Variants in NAA15 observed in about 807,000 individuals in gnomAD.
The protein encoded by NAA15 is N-terminal acetyltransferase.
A neutral mutation model predicts 114.0 loss-of-function variants in NAA15; 34 were observed. The observed-to-expected ratio is 0.30, with a 90% confidence interval of 0.23 to 0.40. The LOEUF is 0.40. NAA15 is among the 10% of genes least tolerant of loss of function. The pLI is 1.00. For missense variants in NAA15, 658 were observed against 1,004.5 expected (o/e 0.66, Z 4.66); for synonymous variants, 340 against 338.0 (o/e 1.01, Z -0.06).
At chr4:139,315,066 T>TTTAGGTTAGGTTAGG (rs1746362463) in intron 1 of NAA15, among the ~76,000 whole-genome samples, 1 of 94,144 alleles carries the variant, frequency 1.1e-5, no homozygotes, top group African/African-American at 4.2e-5. Context: ...TTTAGTTTAG[T>TTTAGGTTAGGTTAGG]TTAGTTTAGT....
chr4:139,325,955 A>G (rs1054795070), intron 1 of NAA15, among the ~76,000 whole-genome samples: 1 of 152,214 alleles, frequency 6.6e-6, no homozygotes, highest in African/African-American at 2.4e-5. Context: ...AGTTTGAATT[A>G]TATTTGTATA....
intron 1 of NAA15, among the ~76,000 whole-genome samples, chr4:139,321,108 A>AT (rs1166412029): frequency 6.7e-6 from 1 of 149,176 alleles, no homozygotes; most frequent in African/African-American, 2.5e-5. Flanking sequence ...TGTTTTTCTT[A>AT]TTTTTTCGTA....
At chr4:139,302,878 G>A (rs540739686) in intron 1 of NAA15, among the ~76,000 whole-genome samples, 1 of 152,296 alleles carries the variant, frequency 6.6e-6, no homozygotes, top group South Asian at 2.1e-4. Context: ...TTGGCATTTA[G>A]TATGTGGGTT....
At position 139,388,159 on chromosome 4, in the gene NAA15, A is replaced by G; in HGVS notation, c.*75A>G. 1.6e-6 allele frequency: 2 copies of G among 1,256,652 alleles called. No homozygotes were observed. The highest frequency in any genetic ancestry group is 2.3e-6 in the Non-Finnish European group (2 of 884,674). The allele number at this position is 1,256,652 out of a possible 1,614,324, so 77.8% of individuals were successfully genotyped here. A position where few individuals can be genotyped will look rare whatever the true frequency, so the allele number is the denominator to read the frequency against. On this transcript the variant is annotated 3_prime_UTR_variant, in exon 20 of 20. Coordinates refer to ENST00000296543, the MANE Select transcript of NAA15 (RefSeq NM_057175.5). ...AATATTTTTGTCACGCACCTGCTGC[A>G]TTGCTCTAACTTACACAGAATGAGA...
chr4:139,344,394 C>T, intron 6 of NAA15, 55 bp downstream of exon 6: 6 of 1,428,240 alleles, frequency 4.2e-6, no homozygotes, highest in Non-Finnish European at 3.8e-6. Context: ...CAGAGCAAGG[C>T]TGAAAAATCT....
intron 3 of NAA15, among the ~76,000 whole-genome samples, chr4:139,339,644 G>C (rs1747319587): frequency 6.6e-6 from 1 of 152,106 alleles, no homozygotes; most frequent in South Asian, 2.1e-4. Context: ...CCAGCTACTT[G>C]GGAGGCTGAG....
At chr4:139,320,892 CCTCCTG>C (rs1170540391) in intron 1 of NAA15, among the ~76,000 whole-genome samples, 1 of 152,116 alleles carries the variant, frequency 6.6e-6, no homozygotes, top group Non-Finnish European at 1.5e-5. Flanking sequence ...TTCAAGCAGT[CCTCCTG>C]CCTGGGCCTC....
intron 1 of NAA15, among the ~76,000 whole-genome samples, chr4:139,308,865 CT>C (rs1422020297): frequency 6.6e-6 from 1 of 152,082 alleles, no homozygotes; most frequent in Non-Finnish European, 1.5e-5. Flanking sequence ...ATCCACCCAC[CT>C]CAGCCTCTCC....
chr4:139,359,479 T>A (rs1318084107), intron 11 of NAA15, among the ~76,000 whole-genome samples: 1 of 152,164 alleles, frequency 6.6e-6, no homozygotes, highest in African/African-American at 2.4e-5. Flanking sequence ...TGCCAGGCAG[T>A]TTTGGGCAAT....
chr4:139,314,998 C>A (rs116352884), intron 1 of NAA15, among the ~76,000 whole-genome samples: 5 of 66,664 alleles, frequency 7.5e-5, no homozygotes, highest in Admixed American at 5.3e-4. Context: ...CAGTTCAGTT[C>A]AGTTTAGTTT....
In NAA15 at chr4:139,376,436, G is replaced by A. The variant is rs372821707; in HGVS notation, c.2019G>A (p.Glu673=). The A allele has an allele frequency of 1.2e-5, 20 of 1,612,820 alleles. No individual in the cohort carries two copies. The African/African-American group carries it at 2.4e-4, about 19-fold the overall frequency. The change falls in exon 16 of 20, where the codon GAG becomes GAA. Residue 673 remains glutamate (E), a synonymous_variant. Coordinates refer to ENST00000296543, the MANE Select transcript of NAA15 (RefSeq NM_057175.5). ...AGAACTTGGTGAAGAACAAGATAGA[G>A]ACTCATCTTTTTGCCTTTGAGATTT... ...PLKNLVKNKI[E]THLFAFEIYF...
chr4:139,347,339 G>A (rs1329426311), intron 6 of NAA15, among the ~76,000 whole-genome samples: 1 of 152,076 alleles, frequency 6.6e-6, no homozygotes, highest in African/African-American at 2.4e-5. Flanking sequence ...CAGATACTAA[G>A]AATATGGGCT....
chr4:139,369,371 A>G (rs1161947960), intron 14 of NAA15, among the ~76,000 whole-genome samples: 2 of 152,240 alleles, frequency 1.3e-5, no homozygotes, highest in African/African-American at 2.4e-5. Context: ...ATTTGTTTAC[A>G]TGCATATCCC....
chr4:139,329,016 T>G lies in NAA15; in HGVS notation c.55-5158T>G, dbSNP rs541341165. Among the ~76,000 whole-genome samples the G allele has an allele frequency of 2.0e-5, 3 of 151,514 alleles. No homozygotes were observed. In the East Asian group the frequency reaches 5.8e-4, roughly 29 times the overall value. ...TCCCAAGTAGCTGGGATTATAGGTG[T>G]GCGCCACCATGCCTGGCTAATTTTT... On this transcript the variant is annotated intron_variant, in intron 1 of 19. Coordinates refer to ENST00000296543, the MANE Select transcript of NAA15 (RefSeq NM_057175.5).
rs564603886 is a variant in NAA15 at position 139,315,645 on chromosome 4, G to A, written c.54+13814G>A. Among the ~76,000 whole-genome samples, 11 of 151,968 alleles carry A rather than the reference G, an allele frequency of 7.2e-5. No individual in the cohort carries two copies. The South Asian group carries it at 2.3e-3, about 31-fold the overall frequency. On this transcript the variant is annotated intron_variant, in intron 1 of 19. Coordinates refer to ENST00000296543, the MANE Select transcript of NAA15 (RefSeq NM_057175.5). ...ATACAAGTGCATGCCCAATGGTAAAGCACGTGTATTATTAGTACTTGCTCT... is the reference window on the plus strand; with the variant it reads ...ATACAAGTGCATGCCCAATGGTAAAACACGTGTATTATTAGTACTTGCTCT...
chr4:139,325,402 A>G (rs972801141), intron 1 of NAA15, among the ~76,000 whole-genome samples: 3 of 152,194 alleles, frequency 2.0e-5, no homozygotes, highest in African/African-American at 7.2e-5. Flanking sequence ...GCCACTAGTT[A>G]GGTATGTAAT....
chr4:139,361,723 G>A lies in NAA15; in HGVS notation c.1540-1G>A, dbSNP rs1406181875. 2 of 1,546,312 alleles carry A rather than the reference G, an allele frequency of 1.3e-6. No individual in the cohort carries two copies. Among genetic ancestry groups the A allele is most frequent in the African/African-American group, 1.4e-5 (1 of 73,072 alleles). On this transcript the variant is annotated splice_acceptor_variant, in intron 13 of 19. Transcript: ENST00000296543. LOFTEE classifies it high-confidence loss of function. ...TAATAATAAAAAGATAATTTTGTTA[G>A]CATTTTATAGAAATCACTGATGACC...
At chr4:139,314,990 G>T (rs143430894) in intron 1 of NAA15, among the ~76,000 whole-genome samples, 2,229 of 66,114 alleles carry the variant, frequency 0.034, 133 homozygotes, top group Non-Finnish European at 0.038. Context: ...GAAGCGTTCA[G>T]TTCAGTTCAG....
In NAA15 at chr4:139,315,274, C is replaced by G. The variant is rs189850855; in HGVS notation, c.54+13443C>G. On this transcript the variant is annotated intron_variant, in intron 1 of 19. Coordinates refer to ENST00000296543, the MANE Select transcript of NAA15 (RefSeq NM_057175.5). ...ATGGCTCACGCCTGTAATCTCAGTG[C>G]TTTGAGAGGCAGAGGTGGGAGGATC... is the stretch of plus-strand genomic sequence containing the variant. 7.2e-5 allele frequency among the ~76,000 whole-genome samples: 11 copies of G among 151,976 alleles called. No individual in the cohort carries two copies. In the East Asian group the frequency reaches 2.1e-3, roughly 29 times the overall value.
Sources: allele counts gnomAD v4.1 joint callset (sites outside exome capture counted in the v4.1 genomes callset), GRCh38; gene constraint gnomAD v4.1.1; transcripts MANE v1.5; gene names NCBI Gene and HGNC (gene_info 2026-07-23, HGNC 2026-07-21).